RNF220: variants seen among roughly 807,000 people sequenced by gnomAD.
RNF220 encodes the protein ring finger protein 220.
RNF220 carries 7 observed loss-of-function variants against 67.1 expected under a neutral mutation model. The ratio of observed to expected loss-of-function variants is 0.10; its 90% confidence interval spans 0.06 to 0.20. The LOEUF (loss-of-function observed/expected upper bound fraction) is 0.20. RNF220 is among the 10% of genes least tolerant of loss of function. The pLI, the probability that RNF220 is intolerant of heterozygous loss-of-function variation, is 1.00. For synonymous variants in RNF220, 270 were observed against 283.2 expected, an observed-to-expected ratio of 0.95 and a Z score of 0.47; for missense variants, 565 against 740.3, an observed-to-expected ratio of 0.76 and a Z score of 2.75.
chr1:44,451,864 C>T (rs1444184491), intron 2 of RNF220, among the ~76,000 whole-genome samples: 1 of 152,182 alleles, frequency 6.6e-6, no homozygotes, highest in East Asian at 1.9e-4. Context: ...CGTTATCCGC[C>T]CACCTGGGCC....
intron 5 of RNF220, among the ~76,000 whole-genome samples, chr1:44,630,849 C>G (rs1644094889): frequency 6.6e-6 from 1 of 152,208 alleles, no homozygotes; most frequent in African/African-American, 2.4e-5. Flanking sequence ...AAGAGTCTGG[C>G]AAGGCAGACA....
chr1:44,518,374 A>G (rs915148449), intron 2 of RNF220, among the ~76,000 whole-genome samples: 1 of 152,096 alleles, frequency 6.6e-6, no homozygotes. Context: ...GCAGTGAGCT[A>G]TGATCACCCC....
chr1:44,486,204 A>G (rs78346573), intron 2 of RNF220, among the ~76,000 whole-genome samples: 4,245 of 152,026 alleles, frequency 0.028, 202 homozygotes, highest in African/African-American at 0.097. Context: ...AATGTTCAGA[A>G]AGAGCATTCG....
intron 2 of RNF220, among the ~76,000 whole-genome samples, chr1:44,540,769 C>G (rs993576596): frequency 1.3e-5 from 2 of 151,156 alleles, no homozygotes; most frequent in African/African-American, 4.9e-5. Flanking sequence ...TAGATGCCTC[C>G]CACACAAACC....
At chr1:44,642,394 T>A (rs777237497) in intron 8 of RNF220, among the ~76,000 whole-genome samples, 4 of 152,092 alleles carry the variant, frequency 2.6e-5, no homozygotes, top group Non-Finnish European at 5.9e-5. Context: ...TTAGCAGGGA[T>A]TTAGAGAGCA....
chr1:44,629,273 C>T (rs1557455881), intron 5 of RNF220, among the ~76,000 whole-genome samples: 1 of 152,250 alleles, frequency 6.6e-6, no homozygotes, highest in Non-Finnish European at 1.5e-5. Context: ...AAGCAAGTCA[C>T]AAAGCTAGCC....
chr1:44,545,043 A>G (rs957690541), intron 2 of RNF220, among the ~76,000 whole-genome samples: 2 of 152,238 alleles, frequency 1.3e-5, no homozygotes, highest in Non-Finnish European at 2.9e-5. Context: ...GCGGGCTAAA[A>G]TCCTTGCCCT....
intron 2 of RNF220, among the ~76,000 whole-genome samples, chr1:44,603,614 C>A (rs1407777507): frequency 6.6e-6 from 1 of 152,126 alleles, no homozygotes; most frequent in Non-Finnish European, 1.5e-5. Flanking sequence ...TAAATGAAGT[C>A]AGTAATTGAT....
intron 2 of RNF220, among the ~76,000 whole-genome samples, chr1:44,561,178 G>C (rs1219922854): frequency 6.6e-6 from 1 of 152,210 alleles, no homozygotes; most frequent in Non-Finnish European, 1.5e-5. Context: ...CTGAGGGTTA[G>C]GCAAGGCTTC....
intron 6 of RNF220, 30 bp from the exon 7 acceptor site, chr1:44,635,515 C>G: frequency 1.2e-6 from 2 of 1,610,584 alleles, no homozygotes; most frequent in Non-Finnish European, 1.7e-6. Context: ...TCTGCTTGTT[C>G]TGTGCTTTGT....
chr1:44,479,359 G>A (rs559054202), intron 2 of RNF220, among the ~76,000 whole-genome samples: 7 of 151,808 alleles, frequency 4.6e-5, no homozygotes, highest in South Asian at 2.1e-4. Context: ...CTCGTGATCC[G>A]CCCACCTCAG....
At chr1:44,632,008 C>G (rs1295400443) in intron 5 of RNF220, 2 of 1,024,760 alleles carry the variant, frequency 2.0e-6, no homozygotes, top group Non-Finnish European at 2.3e-6. Context: ...AGCTGAAGTG[C>G]CGCCGCCGCC....
intron 2 of RNF220, among the ~76,000 whole-genome samples, chr1:44,503,193 G>T (rs952006064): frequency 6.6e-6 from 1 of 152,018 alleles, no homozygotes; most frequent in Non-Finnish European, 1.5e-5. Flanking sequence ...AATTAGCTGG[G>T]TATGGTGGCA....
At chr1:44,561,406 A>C (rs1663562336) in intron 2 of RNF220, among the ~76,000 whole-genome samples, 1 of 152,186 alleles carries the variant, frequency 6.6e-6, no homozygotes, top group Admixed American at 6.5e-5. Flanking sequence ...GCTACTCGGG[A>C]GGCTGAGGCA....
chr1:44,651,102 GAC>G lies in RNF220; in HGVS notation c.*328_*329del. 1 of 407,304 alleles carries G rather than the reference GAC, an allele frequency of 2.5e-6. No homozygotes were observed. Among genetic ancestry groups the G allele is most frequent in the Non-Finnish European group, 4.7e-6 (1 of 213,890 alleles). 25.2% of individuals were successfully genotyped at this position (407,304 alleles called of 1,614,324 possible). A position where few individuals can be genotyped will look rare whatever the true frequency, so the allele number is the denominator to read the frequency against. On this transcript the variant is annotated 3_prime_UTR_variant, in exon 15 of 15. Transcript: ENST00000361799. ...CTAAGATCCAGCCCCCATACTGACA[GAC>G]GGACAGACAGACATGCAAACACCAG...
intron 2 of RNF220, among the ~76,000 whole-genome samples, chr1:44,589,875 G>A (rs901443014): frequency 6.6e-6 from 1 of 152,152 alleles, no homozygotes; most frequent in Non-Finnish European, 1.5e-5. Context: ...CAAGGTGCTC[G>A]TGGTCTGGGG....
chr1:44,578,844 C>G (rs79480058), intron 2 of RNF220, among the ~76,000 whole-genome samples: 2,680 of 152,256 alleles, frequency 0.018, 38 homozygotes, highest in Non-Finnish European at 0.023. Flanking sequence ...GCCCAACATT[C>G]TTTATTCTGT....
intron 1 of RNF220, among the ~76,000 whole-genome samples, chr1:44,409,314 A>G (rs144029033): frequency 2.0e-5 from 3 of 152,324 alleles, no homozygotes; most frequent in South Asian, 4.1e-4. Context: ...CAGACAATTT[A>G]TTTAGCTTCG....
chr1:44,530,054 C>CA (rs34873208), intron 2 of RNF220, among the ~76,000 whole-genome samples: 87 of 140,566 alleles, frequency 6.2e-4, no homozygotes, highest in East Asian at 2.1e-3. Context: ...ACTCTTATCT[C>CA]AAAAAAAAAA....
Sources: allele counts gnomAD v4.1 joint callset (sites outside exome capture counted in the v4.1 genomes callset), GRCh38; gene constraint gnomAD v4.1.1; transcripts MANE v1.5; gene names NCBI Gene and HGNC (gene_info 2026-07-23, HGNC 2026-07-21).